Variants in FMR1NB observed in about 807,000 individuals in gnomAD.
FMR1NB encodes the protein FMR1 neighbor protein.
FMR1NB carries 10 observed loss-of-function variants against 16.8 expected under a neutral mutation model. The observed-to-expected ratio is 0.60, with a 90% confidence interval of 0.37 to 1.01. FMR1NB has a LOEUF of 1.01. Among genes scored for constraint, FMR1NB ranks in the 50% least tolerant of loss-of-function variants. The pLI is 0.01. For synonymous variants in FMR1NB, 83 were observed against 79.1 expected (o/e 1.05, Z -0.26); for missense variants, 205 against 204.8 (o/e 1.00, Z 0.00).
At position 148,003,316 on chromosome X, in the gene FMR1NB, A is replaced by G; in HGVS notation, c.393A>G (p.Pro131=). 8.3e-7 allele frequency: 1 copy of G among 1,209,919 alleles called. No homozygotes were observed. The highest frequency in any genetic ancestry group is 1.1e-6 in the Non-Finnish European group (1 of 894,505). ...AAGCTTTGCTGAATTTTTTCTTTCC[A>G]ACAAGTAAGTTCTTGTTTGATTTTT... is the stretch of plus-strand genomic sequence containing the variant. ...ALEALLNFFF[P]TTCNLRENQV... Residue 131 remains proline (P), a synonymous_variant, in exon 2 of 6, where the codon CCA becomes CCG. Transcript: ENST00000370467.
At chrX:147,986,290 GT>G (rs1289749225) in intron 1 of FMR1NB, among the ~76,000 whole-genome samples, 1 of 112,389 alleles carries the variant, frequency 8.9e-6, no homozygotes, top group Non-Finnish European at 1.9e-5. Context: ...TCTGATGATA[GT>G]TTCTTTTGCT....
chrX:148,026,211 T>C (rs1238329459), intron 5 of FMR1NB, among the ~76,000 whole-genome samples: 1 of 111,108 alleles, frequency 9.0e-6, no homozygotes, highest in Non-Finnish European at 1.9e-5. Flanking sequence ...TGTAACATTA[T>C]AACTAGACTA....
intron 1 of FMR1NB, among the ~76,000 whole-genome samples, chrX:147,998,639 A>G (rs1187353139): frequency 8.9e-6 from 1 of 112,849 alleles, no homozygotes; most frequent in African/African-American, 3.2e-5. Flanking sequence ...CCCTATGGCA[A>G]GTGATGTCAG....
intron 1 of FMR1NB, among the ~76,000 whole-genome samples, chrX:147,987,545 G>C (rs1255640928): frequency 3.6e-5 from 4 of 111,456 alleles, no homozygotes; most frequent in Non-Finnish European, 7.5e-5. Context: ...ATAGGTGTCT[G>C]TTAGGTCTGC....
rs140326129 is a variant in FMR1NB, at chrX:148,010,632, C to T, written c.632+1921C>T. ...ATAACCCATAAAAGAGAAATAGACA[C>T]AGCAGTAAAATCAATATGTGGTGGC... On this transcript the variant is annotated intron_variant, in intron 4 of 5. Coordinates refer to ENST00000370467, the MANE Select transcript of FMR1NB (RefSeq NM_152578.3). Among the ~76,000 whole-genome samples the T allele has an allele frequency of 3.4e-3, 385 of 111,647 alleles. 2 individuals carry two copies. Among genetic ancestry groups the T allele is most frequent in the African/African-American group, 0.012 (369 of 30,757 alleles).
At chrX:148,024,765 G>C in intron 4 of FMR1NB, 100 bp from the exon 5 acceptor site, 1 of 996,276 alleles carries the variant, frequency 1.0e-6, no homozygotes, top group Non-Finnish European at 1.4e-6. Context: ...AGGTGGGAAA[G>C]TATAGTTATC....
chrX:147,985,750 G>A (rs1664613178), intron 1 of FMR1NB, among the ~76,000 whole-genome samples: 1 of 111,895 alleles, frequency 8.9e-6, no homozygotes, highest in Admixed American at 9.5e-5. Flanking sequence ...CCAAGTCTTT[G>A]TTATTGTAAA....
chrX:148,007,252 G>C (rs1487800774), intron 3 of FMR1NB, among the ~76,000 whole-genome samples: 4 of 111,695 alleles, frequency 3.6e-5, no homozygotes, highest in African/African-American at 1.3e-4. Context: ...CAGTAGACTT[G>C]AATGTTTCTT....
In FMR1NB at chrX:147,984,240, C is replaced by T. The variant is rs782297343; in HGVS notation, c.277+2561C>T. On this transcript the variant is annotated intron_variant, in intron 1 of 5. Coordinates refer to ENST00000370467, the MANE Select transcript of FMR1NB (RefSeq NM_152578.3). The stretch of plus-strand genomic sequence containing the variant: ...ATATAAATTTGAGAGTCAGCTTTTC[C>T]GTTTCTGCCCCAAGCCCATTGGAAT... Among the ~76,000 whole-genome samples, 19 of 111,418 alleles carry T rather than the reference C, an allele frequency of 1.7e-4. No homozygotes were observed. In the South Asian group the frequency reaches 1.9e-3, roughly 11 times the overall value.
intron 4 of FMR1NB, among the ~76,000 whole-genome samples, chrX:148,022,551 C>T (rs1024981627): frequency 9.0e-4 from 101 of 111,680 alleles, no homozygotes; most frequent in Middle Eastern, 4.7e-3. Context: ...TTTCCGTGTG[C>T]GTATGCTGGT....
At chrX:148,011,477 G>A (rs1205825079) in intron 4 of FMR1NB, among the ~76,000 whole-genome samples, 1 of 111,241 alleles carries the variant, frequency 9.0e-6, no homozygotes. Context: ...TTAAGATATA[G>A]GCCCTACTTT....
Position 147,987,661 on chromosome X carries a change from G to A in FMR1NB, c.277+5982G>A, listed in dbSNP as rs782477472. On this transcript the variant is annotated intron_variant, in intron 1 of 5. Transcript: ENST00000370467. Reference sequence around the variant, plus strand: ...TGTTAAAGTCTCCCACTATTATTGTGTGGGAGTCTGTCTTTTTGTAGGTCT... The same window carrying A: ...TGTTAAAGTCTCCCACTATTATTGTATGGGAGTCTGTCTTTTTGTAGGTCT... Among the ~76,000 whole-genome samples the A allele has an allele frequency of 5.4e-5, 6 of 111,154 alleles. No individual in the cohort carries two copies. The South Asian group carries it at 2.3e-3, about 43-fold the overall frequency.
intron 1 of FMR1NB, among the ~76,000 whole-genome samples, chrX:147,991,364 A>T (rs1199949770): frequency 1.9e-5 from 2 of 107,411 alleles, no homozygotes; most frequent in Admixed American, 2.0e-4. Context: ...TATAGTTCCA[A>T]CCTCCCTTAT....
At chrX:147,993,189 C>T (rs972539714) in intron 1 of FMR1NB, among the ~76,000 whole-genome samples, 8 of 113,206 alleles carry the variant, frequency 7.1e-5, no homozygotes, top group Non-Finnish European at 1.1e-4. Flanking sequence ...CCGAGGTTGG[C>T]GGATCACTCG....
Position 148,008,502 on chromosome X carries a change from A to G in FMR1NB, c.539-116A>G, listed in dbSNP as rs782723975. On this transcript the variant is annotated intron_variant, in intron 3 of 5. Coordinates refer to ENST00000370467, the MANE Select transcript of FMR1NB (RefSeq NM_152578.3). ...GGATATTTACCTGTCACATAAGAAT[A>G]CCTCCTCATTTCACTTTATTAACTG... 14 of 593,738 alleles carry G rather than the reference A, an allele frequency of 2.4e-5. No homozygotes were observed. The South Asian group carries it at 4.6e-4, about 20-fold the overall frequency. 48.9% of individuals were successfully genotyped at this position (593,738 alleles called of 1,213,427 possible). A position where few individuals can be genotyped will look rare whatever the true frequency, so the allele number is the denominator to read the frequency against.
At chrX:148,007,544 C>T (rs1199584443) in intron 3 of FMR1NB, among the ~76,000 whole-genome samples, 1 of 111,972 alleles carries the variant, frequency 8.9e-6, no homozygotes, top group African/African-American at 3.2e-5. Flanking sequence ...TCTGCCTCGG[C>T]CTCCCAAAGT....
chrX:148,003,321 G>A lies in FMR1NB; in HGVS notation c.397+1G>A. On this transcript the variant is annotated splice_donor_variant, in intron 2 of 5. Coordinates refer to ENST00000370467, the MANE Select transcript of FMR1NB (RefSeq NM_152578.3). LOFTEE classifies it high-confidence loss of function. ...TTGCTGAATTTTTTCTTTCCAACAA[G>A]TAAGTTCTTGTTTGATTTTTTTCCC... 1 of 1,208,323 alleles carries A rather than the reference G, an allele frequency of 8.3e-7. No individual in the cohort carries two copies. Among genetic ancestry groups the A allele is most frequent in the Non-Finnish European group, 1.1e-6 (1 of 893,670 alleles).
intron 4 of FMR1NB, among the ~76,000 whole-genome samples, chrX:148,018,168 T>C: frequency 9.0e-6 from 1 of 110,788 alleles, no homozygotes. Context: ...AGTGTGAAAG[T>C]GTTCCTATTT....
chrX:147,996,783 G>A (rs1275220346), intron 1 of FMR1NB, among the ~76,000 whole-genome samples: 11 of 110,477 alleles, frequency 1.0e-4, no homozygotes, highest in African/African-American at 1.3e-4. Context: ...TTTCTTTTCC[G>A]TTGAAATGTA....
Sources: gnomAD v4.1 joint callset for allele counts (sites outside exome capture counted in the v4.1 genomes callset) on GRCh38, gnomAD v4.1.1 for gene constraint, MANE v1.5 for transcripts, NCBI Gene and HGNC (gene_info 2026-07-23, HGNC 2026-07-21) for gene names.